Variants in ZNF83 observed in about 807,000 individuals in gnomAD.
ZNF83 encodes zinc finger protein 816B.
For missense variants in ZNF83, 552 were observed against 629.9 expected (o/e 0.88, Z 1.32); for synonymous variants, 209 against 213.0 (o/e 0.98, Z 0.17).
At chr19:52,667,308 A>G (rs1448248089) in intron 1 of ZNF83, among the ~76,000 whole-genome samples, 4 of 152,046 alleles carry the variant, frequency 2.6e-5, no homozygotes, top group African/African-American at 9.7e-5. Flanking sequence ...AATAAATCAA[A>G]TGGTGGTTTA....
intron 1 of ZNF83, among the ~76,000 whole-genome samples, chr19:52,675,249 T>C (rs1030014240): frequency 4.6e-5 from 7 of 152,178 alleles, no homozygotes; most frequent in East Asian, 1.9e-4. Flanking sequence ...ACAGTGTTCA[T>C]GTACTTCACC....
At chr19:52,642,984 C>T (rs568781805), upstream of ZNF83, among the ~76,000 whole-genome samples, 2 of 152,254 alleles carry the variant, frequency 1.3e-5, no homozygotes, top group East Asian at 3.9e-4. Context: ...TGGTGAAACC[C>T]TGTCTCTACT....
chr19:52,676,860 G>A (rs1330484880), intron 1 of ZNF83, among the ~76,000 whole-genome samples: 2 of 132,422 alleles, frequency 1.5e-5, no homozygotes, highest in African/African-American at 6.2e-5. Flanking sequence ...CATGTGCTGT[G>A]TCCACTCAGG....
At chr19:52,632,528 A>G (rs1467102574) in intron 2 of ZNF83, among the ~76,000 whole-genome samples, 1 of 151,886 alleles carries the variant, frequency 6.6e-6, no homozygotes, top group Non-Finnish European at 1.5e-5. Context: ...CTTGTCAACT[A>G]CTCATAAATG....
chr19:52,656,601 C>T (rs1395029419), intron 2 of ZNF83, among the ~76,000 whole-genome samples: 2 of 152,128 alleles, frequency 1.3e-5, no homozygotes, highest in Non-Finnish European at 2.9e-5. Flanking sequence ...GGCATGGTGG[C>T]TCACACCTAT....
At chr19:52,614,367 G>A (rs2060232611) in exon 3 of ZNF83, 1 of 1,612,874 alleles carries the variant, frequency 6.2e-7, no homozygotes, top group Non-Finnish European at 8.5e-7. Context: ...TATGAGAAAT[G>A]TGGGTTTTGA....
chr19:52,669,075 T>G (rs1451811025), intron 1 of ZNF83, among the ~76,000 whole-genome samples: 1 of 152,232 alleles, frequency 6.6e-6, no homozygotes, highest in Non-Finnish European at 1.5e-5. Context: ...CAGCCACTCT[T>G]TATTCATCCC....
chr19:52,684,291 T>C (rs1398277549), intron 1 of ZNF83, among the ~76,000 whole-genome samples: 3 of 151,556 alleles, frequency 2.0e-5, no homozygotes, highest in African/African-American at 7.3e-5. Flanking sequence ...GCTTGAACTC[T>C]GGTGGTGGAG....
chr19:52,671,507 GA>G, intron 1 of ZNF83, among the ~76,000 whole-genome samples: 1 of 151,918 alleles, frequency 6.6e-6, no homozygotes, highest in South Asian at 2.1e-4. Context: ...GCAGTGGCAG[GA>G]ACACTGCTCC....
At chr19:52,614,169 T>C (rs921691266) in exon 3 of ZNF83, 1 of 1,614,048 alleles carries the variant, frequency 6.2e-7, no homozygotes. Context: ...GGTTTGATTT[T>C]TTATTGAAGA....
Position 52,632,711 on chromosome 19 carries a change from T to G in ZNF83, c.-234+2355A>C, listed in dbSNP as rs548543421. ...CACTCTCTAGTATTAGATGTCGTAG[T>G]TCCTCCCAATTCTTAGTCCTTTAAT... is the stretch of plus-strand genomic sequence containing the variant. On this transcript the variant is annotated intron_variant, in intron 2 of 2. Transcript: ENST00000301096. Among the ~76,000 whole-genome samples, 3 of 152,310 alleles carry G rather than the reference T, an allele frequency of 2.0e-5. No individual in the cohort carries two copies. In the South Asian group the frequency reaches 6.2e-4, roughly 32 times the overall value.
At chr19:52,686,898 T>C (rs960558539) in intron 1 of ZNF83, among the ~76,000 whole-genome samples, 5 of 151,914 alleles carry the variant, frequency 3.3e-5, no homozygotes, top group Admixed American at 1.3e-4. Flanking sequence ...GAAAGTACTA[T>C]GGGCTGGGTG....
chr19:52,643,526 C>T (rs148956678), intron 3 of ZNF83, among the ~76,000 whole-genome samples: 175 of 151,896 alleles, frequency 1.2e-3, no homozygotes, highest in African/African-American at 4.0e-3. Context: ...ACAGTGAAAC[C>T]CCATCTTTAC....
intron 2 of ZNF83, among the ~76,000 whole-genome samples, chr19:52,628,882 T>C (rs1279925101): frequency 1.7e-4 from 26 of 151,740 alleles, no homozygotes; most frequent in Non-Finnish European, 2.9e-5. Context: ...ACCTCTTATA[T>C]CTCTGTGCCC....
chr19:52,624,996 C>T (rs775458979), intron 2 of ZNF83, among the ~76,000 whole-genome samples: 1 of 152,020 alleles, frequency 6.6e-6, no homozygotes, highest in African/African-American at 2.4e-5. Flanking sequence ...CACCTGACCC[C>T]CATGACTGTA....
chr19:52,634,085 C>G (rs868280434), intron 2 of ZNF83, among the ~76,000 whole-genome samples: 1 of 151,976 alleles, frequency 6.6e-6, no homozygotes, highest in Non-Finnish European at 1.5e-5. Context: ...GCCTGGCCAA[C>G]GTGATGAAAC....
chr19:52,613,643 A>G lies in ZNF83; in HGVS notation c.922T>C (p.Trp308Arg), dbSNP rs878921853. Residue 308 changes from tryptophan (W) to arginine (R), a missense_variant, in exon 3 of 3, where the codon TGG becomes CGG. Physicochemically the swap from Trp to Arg is moderately radical, Grantham distance 101. Coordinates refer to ENST00000301096, the Ensembl canonical transcript of ZNF83. The stretch of plus-strand genomic sequence containing the variant: ...GGTTTCTCTCCAGTATGAATTCTCC[A>G]GTGATTTACTAGGGATGACTTGTGA... The G allele has an allele frequency of 1.2e-5, 20 of 1,611,114 alleles. No individual in the cohort carries two copies. In the Admixed American group the frequency reaches 1.8e-4, roughly 15 times the overall value.
chr19:52,657,241 A>T (rs1458985536), intron 2 of ZNF83, among the ~76,000 whole-genome samples: 1 of 152,136 alleles, frequency 6.6e-6, no homozygotes, highest in Non-Finnish European at 1.5e-5. Flanking sequence ...CTACACAGAA[A>T]CTCTCGGGCT....
chr19:52,634,833 G>A (rs1419378151), intron 2 of ZNF83, among the ~76,000 whole-genome samples: 2 of 152,084 alleles, frequency 1.3e-5, no homozygotes, highest in African/African-American at 4.8e-5. Flanking sequence ...CCATGTCTGG[G>A]TGTGGGCCCT....
Sources: allele counts gnomAD v4.1 joint callset (sites outside exome capture counted in the v4.1 genomes callset), GRCh38; gene constraint gnomAD v4.1.1; transcripts MANE v1.5; gene names NCBI Gene and HGNC (gene_info 2026-07-23, HGNC 2026-07-21).